The following SNX10 variants were observed in gnomAD, a reference collection of about 807,000 sequenced individuals.
The protein encoded by SNX10 is sorting nexin 10.
Under a neutral mutation model 28.5 loss-of-function variants are expected in SNX10, and 25 were observed. The ratio of observed to expected loss-of-function variants is 0.88; its 90% CI spans 0.64 to 1.22. The LOEUF (loss-of-function observed/expected upper bound fraction) is 1.22. SNX10 is among the 50% of genes most tolerant of loss of function. SNX10 has a pLI of 0.00. For synonymous variants in SNX10, 62 were observed against 81.4 expected (o/e 0.76, Z 1.28); for missense variants, 223 against 242.6 (o/e 0.92, Z 0.54).
At chr7:26,312,715 C>T (rs192961456) in intron 1 of SNX10, among the ~76,000 whole-genome samples, 46 of 152,084 alleles carry the variant, frequency 3.0e-4, no homozygotes, top group African/African-American at 9.9e-4. Context: ...ACCCGGGAGG[C>T]GGAGGTTGCA....
At chr7:26,361,458 G>A (rs1314428887) in intron 3 of SNX10, among the ~76,000 whole-genome samples, 1 of 152,176 alleles carries the variant, frequency 6.6e-6, no homozygotes, top group Non-Finnish European at 1.5e-5. Flanking sequence ...AAAGAGATGT[G>A]TGGTGTTTTA....
chr7:26,336,395 A>T (rs1250195838), intron 1 of SNX10, among the ~76,000 whole-genome samples: 1 of 151,932 alleles, frequency 6.6e-6, no homozygotes, highest in Non-Finnish European at 1.5e-5. Context: ...AAGTGCTTTT[A>T]AAAAATCACT....
intron 1 of SNX10, among the ~76,000 whole-genome samples, chr7:26,327,761 G>A (rs573804317): frequency 5.3e-5 from 6 of 113,272 alleles, no homozygotes; most frequent in East Asian, 5.0e-4. Flanking sequence ...ATGGTGTCTC[G>A]CTCTATCCCC....
At chr7:26,357,327 T>TGAA (rs1554360683) in intron 2 of SNX10, among the ~76,000 whole-genome samples, 1 of 109,404 alleles carries the variant, frequency 9.1e-6, no homozygotes, top group Non-Finnish European at 1.8e-5. Flanking sequence ...AAGAGAAGAT[T>TGAA]AAAAAAAAAA....
At chr7:26,360,609 G>C (rs1389450324) in intron 2 of SNX10, 2 of 226,034 alleles carry the variant, frequency 8.8e-6, no homozygotes, top group Non-Finnish European at 1.7e-5. Flanking sequence ...AGTTTAGAGA[G>C]ATGAAGAAAG....
chr7:26,356,964 G>A, intron 2 of SNX10: 1 of 637,848 alleles, frequency 1.6e-6, no homozygotes, highest in Non-Finnish European at 2.1e-6. Context: ...TTCAAGTGAA[G>A]TTTGATTTTC....
intron 1 of SNX10, among the ~76,000 whole-genome samples, chr7:26,336,345 A>C (rs1268467447): frequency 6.6e-6 from 1 of 152,090 alleles, no homozygotes; most frequent in Non-Finnish European, 1.5e-5. Flanking sequence ...TTTATTGTGC[A>C]TAAGCTCCAG....
At chr7:26,363,034 G>T (rs1789141518) in intron 3 of SNX10, among the ~76,000 whole-genome samples, 1 of 152,148 alleles carries the variant, frequency 6.6e-6, no homozygotes, top group Non-Finnish European at 1.5e-5. Context: ...ATTCTTTAGG[G>T]AGAGGGTACC....
intron 2 of SNX10, among the ~76,000 whole-genome samples, chr7:26,350,063 A>G (rs1317032575): frequency 6.6e-6 from 1 of 152,120 alleles, no homozygotes; most frequent in African/African-American, 2.4e-5. Flanking sequence ...CCCCTTTTGA[A>G]TGTATGTGTG....
chr7:26,336,390 C>A (rs1378677757), intron 1 of SNX10, among the ~76,000 whole-genome samples: 1 of 151,378 alleles, frequency 6.6e-6, no homozygotes, highest in Non-Finnish European at 1.5e-5. Flanking sequence ...AAAAAAAGTG[C>A]TTTTAAAAAA....
At chr7:26,357,521 C>A (rs996476085) in intron 2 of SNX10, among the ~76,000 whole-genome samples, 7 of 151,974 alleles carry the variant, frequency 4.6e-5, no homozygotes, top group African/African-American at 1.7e-4. Context: ...GGTTATGGGG[C>A]AACCTTTGAA....
chr7:26,364,233 A>G lies in SNX10; in HGVS notation c.112-302A>G. 1 of 661,190 alleles carries G rather than the reference A, an allele frequency of 1.5e-6. No individual in the cohort carries two copies. The highest frequency in any genetic ancestry group is 1.9e-6 in the Non-Finnish European group (1 of 518,122). The allele number at this position is 661,190 out of a possible 1,614,324, so 41.0% of individuals were successfully genotyped here. The stretch of plus-strand genomic sequence containing the variant: ...ATTTATATGTTAGGATTTATTTTTT[A>G]TGATTTATTCTTGAAAGCAGTGCTC... On this transcript the variant is annotated intron_variant, in intron 3 of 6. Coordinates refer to ENST00000338523, the MANE Select transcript of SNX10 (RefSeq NM_013322.3). This position sits in a 1 kb window ranked among gnomAD's most constrained non-coding sequence, Gnocchi z 4.9.
chr7:26,309,648 C>A (rs1201472192), intron 1 of SNX10, among the ~76,000 whole-genome samples: 1 of 152,162 alleles, frequency 6.6e-6, no homozygotes, highest in Non-Finnish European at 1.5e-5. Context: ...AACCTTCATC[C>A]CTAAAGCATT....
At chr7:26,367,498 C>T (rs1789341236) in intron 5 of SNX10, among the ~76,000 whole-genome samples, 1 of 152,202 alleles carries the variant, frequency 6.6e-6, no homozygotes, top group Non-Finnish European at 1.5e-5. Flanking sequence ...GGTGCTTCCA[C>T]ACAGCCTAAA....
intron 1 of SNX10, among the ~76,000 whole-genome samples, chr7:26,313,130 T>G (rs1786917942): frequency 6.6e-6 from 1 of 152,186 alleles, no homozygotes; most frequent in South Asian, 2.1e-4. Context: ...GTGTGTTGCA[T>G]TCACATCATG....
intron 1 of SNX10, among the ~76,000 whole-genome samples, chr7:26,326,055 T>C (rs980951578): frequency 6.6e-6 from 1 of 152,190 alleles, no homozygotes. Flanking sequence ...AAATACGTTA[T>C]GAATAGTCTT....
chr7:26,309,706 G>C (rs1001839888), intron 1 of SNX10, among the ~76,000 whole-genome samples: 3 of 152,142 alleles, frequency 2.0e-5, no homozygotes, highest in Non-Finnish European at 4.4e-5. Flanking sequence ...ACTCACTGCT[G>C]TCTTTTAAGC....
At chr7:26,353,827 GTGAA>G (rs1256003395) in intron 2 of SNX10, among the ~76,000 whole-genome samples, 3 of 152,254 alleles carry the variant, frequency 2.0e-5, no homozygotes, top group African/African-American at 7.2e-5. Flanking sequence ...TATATTTTAA[GTGAA>G]TGAATGAGTC....
chr7:26,366,369 C>T (rs1190515479), intron 5 of SNX10, among the ~76,000 whole-genome samples: 8 of 152,040 alleles, frequency 5.3e-5, no homozygotes. Context: ...CAGAAAGATC[C>T]AAGATTATAA....
Sources: gnomAD v4.1 joint callset for allele counts (sites outside exome capture counted in the v4.1 genomes callset) on GRCh38, gnomAD v4.1.1 for gene constraint, Gnocchi (gnomAD v3.1) non-coding constraint, MANE v1.5 for transcripts, NCBI Gene and HGNC (gene_info 2026-07-23, HGNC 2026-07-21) for gene names.